Variants in ITGA6 observed in about 807,000 individuals in gnomAD.
The protein encoded by ITGA6 is integrin subunit alpha 6.
ITGA6 carries 63 observed loss-of-function variants against 133.6 expected under a neutral mutation model. The observed-to-expected ratio is 0.47, with a 90% CI of 0.38 to 0.58. The LOEUF (loss-of-function observed/expected upper bound fraction) is 0.58, where lower values mean the gene tolerates loss of function less well. ITGA6 is among the 20% of genes least tolerant of loss of function. ITGA6 has a pLI of 0.00. For missense variants in ITGA6, 1,068 were observed against 1,309.4 expected (o/e 0.82, Z 2.85); for synonymous variants, 434 against 482.0 (o/e 0.90, Z 1.30).
chr2:172,444,583 T>TCCCCGCCCCCCGCC (rs973447288), intron 1 of ITGA6, among the ~76,000 whole-genome samples: 1 of 134,678 alleles, frequency 7.4e-6, no homozygotes, highest in African/African-American at 2.7e-5. Context: ...TATTCCAAAA[T>TCCCCGCCCCCCGCC]CCCCGCCCCC....
At chr2:172,444,189 C>T (rs987988997) in intron 1 of ITGA6, among the ~76,000 whole-genome samples, 2 of 152,172 alleles carry the variant, frequency 1.3e-5, no homozygotes, top group African/African-American at 4.8e-5. Context: ...TTGAACCCAC[C>T]ATTCTTGTAA....
At chr2:172,502,037 G>T in intron 25 of ITGA6, 136 bp downstream of exon 25, 5 of 761,872 alleles carry the variant, frequency 6.6e-6, no homozygotes, top group South Asian at 3.7e-5. Context: ...TGCCTTGCTT[G>T]GATTTGTTTT....
intron 1 of ITGA6, among the ~76,000 whole-genome samples, chr2:172,430,037 C>G (rs1023839424): frequency 6.6e-6 from 1 of 152,212 alleles, no homozygotes; most frequent in Non-Finnish European, 1.5e-5. Context: ...TATGGAAAAA[C>G]TCAGTGGGGG....
chr2:172,450,249 A>G (rs948566720), intron 1 of ITGA6, among the ~76,000 whole-genome samples: 25 of 152,188 alleles, frequency 1.6e-4, no homozygotes, highest in African/African-American at 5.8e-4. Context: ...GAATGATGTG[A>G]TATGACCTGA....
intron 1 of ITGA6, among the ~76,000 whole-genome samples, chr2:172,438,222 G>C (rs2148998715): frequency 6.6e-6 from 1 of 151,844 alleles, no homozygotes; most frequent in African/African-American, 2.4e-5. Context: ...ATGCAAGAGA[G>C]GGGAGAACTG....
rs1265468370 is a variant in ITGA6, at chr2:172,502,039, ATTTGT to A, written c.*22+142_*22+146del. 4.0e-5 allele frequency: 30 copies of A among 742,462 alleles called. No individual in the cohort carries two copies. In the South Asian group the frequency reaches 4.5e-4, roughly 11 times the overall value. 46.0% of individuals were successfully genotyped at this position (742,462 alleles called of 1,614,324 possible). Reference sequence around the variant, plus strand: ...GTCCACACTGGCTTGCCTTGCTTGGATTTGTTTTATTTTATTTCACTTGAAAGCTC... The same window carrying A: ...GTCCACACTGGCTTGCCTTGCTTGGATTTATTTTATTTCACTTGAAAGCTC... On this transcript the variant is annotated intron_variant, in intron 25 of 25. Transcript: ENST00000684293.
In ITGA6 at chr2:172,486,872, T is replaced by C. The variant is rs150721449; in HGVS notation, c.1855-151T>C. 9.6e-4 allele frequency: 652 copies of C among 677,464 alleles called. 6 individuals carry two copies. In the African/African-American group the frequency reaches 0.01, roughly 11 times the overall value. 42.0% of individuals were successfully genotyped at this position (677,464 alleles called of 1,614,324 possible). A position where few individuals can be genotyped will look rare whatever the true frequency, so the allele number is the denominator to read the frequency against. ...TTTACTAAAGGACAGAATGGAAATT[T>C]GATGTGTGGCAAAGTACATTTAAAG... On this transcript the variant is annotated intron_variant, in intron 13 of 25. Coordinates refer to ENST00000684293, the MANE Select transcript of ITGA6 (RefSeq NM_000210.4).
At chr2:172,488,103 A>C in intron 18 of ITGA6, 23 bp from the exon 19 acceptor site, 1 of 1,611,156 alleles carries the variant, frequency 6.2e-7, no homozygotes, top group Non-Finnish European at 8.5e-7. Flanking sequence ...CCTCATTAAA[A>C]CTGGTGTTTT....
At position 172,488,049 on chromosome 2, in the gene ITGA6, G is replaced by A. The variant is rs1272797762; in HGVS notation, c.2402+11G>A. The A allele has an allele frequency of 1.9e-6, 3 of 1,613,536 alleles. No individual in the cohort carries two copies. In the South Asian group the frequency reaches 3.3e-5, roughly 18 times the overall value. On this transcript the variant is annotated intron_variant, in intron 18 of 25. Transcript: ENST00000684293. ...TTTATCGGTCTCGGGGTAAGTGTTT[G>A]TGTTTAGCATAACAAATCAATGTTT...
chr2:172,450,816 A>G (rs1293467672), intron 1 of ITGA6, among the ~76,000 whole-genome samples: 14 of 146,900 alleles, frequency 9.5e-5, no homozygotes, highest in Non-Finnish European at 1.6e-4. Flanking sequence ...TTTTGTATGT[A>G]TGTGTATATA....
In ITGA6 at chr2:172,453,555, G is replaced by A. The variant is rs768584106; in HGVS notation, c.183-11984G>A. On this transcript the variant is annotated intron_variant, in intron 1 of 25. Transcript: ENST00000684293. ...ATCACAGTATACATGGAATACAAAG[G>A]TTTTTTGTGTTTGTTTTTAAGAACT... Among the ~76,000 whole-genome samples the A allele has an allele frequency of 6.4e-4, 97 of 152,204 alleles. 1 individual carries two copies. The highest frequency in any genetic ancestry group is 8.2e-4 in the Non-Finnish European group (56 of 67,996).
chr2:172,451,469 A>G (rs1392452777), intron 1 of ITGA6, among the ~76,000 whole-genome samples: 1 of 152,124 alleles, frequency 6.6e-6, no homozygotes, highest in East Asian at 1.9e-4. Context: ...TCTTAAAAAA[A>G]AAAAAAAAAG....
intron 13 of ITGA6, among the ~76,000 whole-genome samples, chr2:172,485,556 T>C (rs1347044839): frequency 4.6e-5 from 7 of 152,212 alleles, no homozygotes; most frequent in Admixed American, 2.0e-4. Flanking sequence ...GTTTCTCCTT[T>C]AGCTGTACAT....
chr2:172,439,185 C>T (rs186220443), intron 1 of ITGA6, among the ~76,000 whole-genome samples: 28 of 151,862 alleles, frequency 1.8e-4, no homozygotes, highest in African/African-American at 6.0e-4. Context: ...GCTCCGAGAA[C>T]GCAGCAGGAG....
Position 172,471,096 on chromosome 2 carries a change from A to T in ITGA6, c.766A>T (p.Ser256Cys), listed in dbSNP as rs1685915153. The T allele has an allele frequency of 6.2e-7, 1 of 1,614,104 alleles. No homozygotes were observed. Among genetic ancestry groups the T allele is most frequent in the South Asian group, 1.1e-5 (1 of 91,082 alleles). Residue 256 changes from serine to cysteine, a missense_variant, in exon 5 of 26, where the codon AGT becomes TGT. Transcript: ENST00000684293. ...AAGTCTCGTTCCTGTTCCTGCTAAC[A>T]GTTACTTAGGTAGGAGCAGGCACAG... ...DESLVPVPAN[S>C]YLGFSLDSGK...
chr2:172,484,765 A>T lies in ITGA6; in HGVS notation c.1550-17A>T. 3.7e-6 allele frequency: 6 copies of T among 1,611,090 alleles called. No homozygotes were observed. Among genetic ancestry groups the T allele is most frequent in the Non-Finnish European group, 5.1e-6 (6 of 1,177,350 alleles). ...GCATGAATGCACTTACGTTAATATG[A>T]TTTTAATTTTATCTAGCAATTGTGG... is the stretch of plus-strand genomic sequence containing the variant. On this transcript the variant is annotated splice_polypyrimidine_tract_variant and intron_variant, in intron 11 of 25. Transcript: ENST00000684293.
At chr2:172,432,697 T>C (rs1920984) in intron 1 of ITGA6, among the ~76,000 whole-genome samples, 28,702 of 152,266 alleles carry the variant, frequency 0.19, 3,761 homozygotes, top group East Asian at 0.57. Flanking sequence ...TGAGTGTTTG[T>C]AAATTTCACC....
In ITGA6 at chr2:172,427,722, C is replaced by G; in HGVS notation, c.-67C>G. 1 of 1,468,400 alleles carries G rather than the reference C, an allele frequency of 6.8e-7. No homozygotes were observed. Among genetic ancestry groups the G allele is most frequent in the Non-Finnish European group, 9.0e-7 (1 of 1,110,102 alleles). The allele number at this position is 1,468,400 out of a possible 1,614,324, so 91.0% of individuals were successfully genotyped here. On this transcript the variant is annotated 5_prime_UTR_variant, in exon 1 of 26. Transcript: ENST00000684293. ...GCTGCGGTAGCAGCAGCGCGGCAGC[C>G]TCGGACCCAGCCCGGAGCGCAGGGC...
intron 1 of ITGA6, among the ~76,000 whole-genome samples, chr2:172,450,867 A>G (rs13387469): frequency 0.14 from 20,232 of 146,678 alleles, 2,732 homozygotes; most frequent in African/African-American, 0.35. Flanking sequence ...TATATAATAT[A>G]CAAATATATT....
Sources: allele counts gnomAD v4.1 joint callset (sites outside exome capture counted in the v4.1 genomes callset), GRCh38; gene constraint gnomAD v4.1.1; transcripts MANE v1.5; gene names NCBI Gene and HGNC (gene_info 2026-07-23, HGNC 2026-07-21).